ZNF326: variants seen among roughly 807,000 people sequenced by gnomAD.
ZNF326 encodes the protein zinc finger protein 326.
ZNF326 carries 30 observed loss-of-function variants against 63.1 expected under a neutral mutation model. The ratio of observed to expected loss-of-function variants is 0.48; its 90% CI spans 0.36 to 0.64. The LOEUF is 0.64. ZNF326 is among the 30% of genes least tolerant of loss of function. The pLI, the probability that ZNF326 is intolerant of heterozygous loss-of-function variation, is 0.00. For synonymous variants in ZNF326, 194 were observed against 228.2 expected, an observed-to-expected ratio of 0.85 and a Z score of 1.35; for missense variants, 609 against 720.3, an observed-to-expected ratio of 0.85 and a Z score of 1.77.
chr1:90,006,553 A>G, intron 4 of ZNF326: 1 of 812,184 alleles, frequency 1.2e-6, no homozygotes, highest in Non-Finnish European at 1.5e-6. Flanking sequence ...TTTTTAGGGT[A>G]GTTTTATGTG....
rs768749263 is a variant in ZNF326 at position 90,007,506 on chromosome 1, G to T, written c.371G>T (p.Gly124Val). ...SYRNSLDSFG[G>V]RNQGGSSWEA... ...CGGAATAGCCTTGACTCTTTCGGAG[G>T]TAGAAACCAGGGCGGGTCTAGCTGG... Residue 124 changes from glycine to valine, a missense_variant, in exon 5 of 12, where the codon GGT becomes GTT. Around this residue, in one of 3 missense-constraint regions of ZNF326, gnomAD observed 113 missense variants for 187.4 expected, o/e 0.60. Transcript: ENST00000340281. The surrounding 1 kb of genome is among the most constrained non-coding windows in gnomAD (Gnocchi z 4.9). The T allele has an allele frequency of 1.9e-6, 3 of 1,614,130 alleles. No homozygotes were observed. The highest frequency in any genetic ancestry group is 1.7e-6 in the Non-Finnish European group (2 of 1,180,014).
Position 90,007,078 on chromosome 1 carries a change from A to T in ZNF326, c.210-267A>T, listed in dbSNP as rs1210803387. On this transcript the variant is annotated intron_variant, in intron 4 of 11. Coordinates refer to ENST00000340281, the MANE Select transcript of ZNF326 (RefSeq NM_182976.4). This position sits in a 1 kb window ranked among gnomAD's most constrained non-coding sequence, Gnocchi z 4.9. Reference sequence around the variant, plus strand: ...GACAGACAAATCTTTTCTTCTTCATAAAATAGAAAAGCTGCTAAGAAGCAG... The same window carrying T: ...GACAGACAAATCTTTTCTTCTTCATTAAATAGAAAAGCTGCTAAGAAGCAG... 6.6e-6 allele frequency among the ~76,000 whole-genome samples: 1 copy of T among 152,218 alleles called. No homozygotes were observed. The highest frequency in any genetic ancestry group is 1.5e-5 in the Non-Finnish European group (1 of 68,042).
chr1:90,001,008 G>A (rs1648648652), intron 2 of ZNF326, among the ~76,000 whole-genome samples: 1 of 152,122 alleles, frequency 6.6e-6, no homozygotes, highest in African/African-American at 2.4e-5. Flanking sequence ...AAGTTAAGAG[G>A]TGATGGGGCA....
At position 90,007,336 on chromosome 1, in the gene ZNF326, C is replaced by T; in HGVS notation, c.210-9C>T. 1 of 1,568,314 alleles carries T rather than the reference C, an allele frequency of 6.4e-7. No homozygotes were observed. The highest frequency in any genetic ancestry group is 8.6e-7 in the Non-Finnish European group (1 of 1,157,160). On this transcript the variant is annotated splice_polypyrimidine_tract_variant and intron_variant, in intron 4 of 11. Coordinates refer to ENST00000340281, the MANE Select transcript of ZNF326 (RefSeq NM_182976.4). This position sits in a 1 kb window ranked among gnomAD's most constrained non-coding sequence, Gnocchi z 4.9. ...TTTTGTTTTTTCCCTCACTGTGCAACTTTTCCAGGTTTGGACCTTATGAGT... is the reference window on the plus strand; with the variant it reads ...TTTTGTTTTTTCCCTCACTGTGCAATTTTTCCAGGTTTGGACCTTATGAGT...
In ZNF326 at chr1:90,018,675, T is replaced by C. The variant is rs202070353; in HGVS notation, c.1075-10T>C. On this transcript the variant is annotated splice_polypyrimidine_tract_variant and intron_variant, in intron 8 of 11. Coordinates refer to ENST00000340281, the MANE Select transcript of ZNF326 (RefSeq NM_182976.4). ...AAAGCTATTTAGATTCTTTCTATTT[T>C]GTTTTCTAGGAGTGTATGGTGAATA... The C allele has an allele frequency of 1.8e-3, 2,665 of 1,510,130 alleles. 8 individuals carry two copies. The highest frequency in any genetic ancestry group is 2.2e-3 in the Non-Finnish European group (2,392 of 1,108,376). 93.5% of individuals were successfully genotyped at this position (1,510,130 alleles called of 1,614,324 possible). A position where few individuals can be genotyped will look rare whatever the true frequency, so the allele number is the denominator to read the frequency against.
chr1:90,008,293 A>G (rs1018354650), intron 5 of ZNF326, among the ~76,000 whole-genome samples: 3 of 152,222 alleles, frequency 2.0e-5, no homozygotes, highest in Admixed American at 6.5e-5. Context: ...AATAGATTGT[A>G]CAATGATTTG....
At chr1:90,022,379 A>T in intron 11 of ZNF326, 34 bp downstream of exon 11, 1 of 1,444,166 alleles carries the variant, frequency 6.9e-7, no homozygotes, top group African/African-American at 1.4e-5. Flanking sequence ...TTTCAATAAT[A>T]TTGTAGTATT....
At position 90,005,289 on chromosome 1, in the gene ZNF326, A is replaced by T. The variant is rs1648932972; in HGVS notation, c.209+45A>T. ...GGCCAAATAATTAGACAACTATAAG[A>T]TTTTGGATATATTATTTTAAGTACT... On this transcript the variant is annotated intron_variant, in intron 4 of 11. Transcript: ENST00000340281. The T allele has an allele frequency of 9.5e-6, 15 of 1,586,066 alleles. No homozygotes were observed. The East Asian group carries it at 3.1e-4, about 33-fold the overall frequency.
chr1:90,016,856 G>C (rs1434241984), intron 7 of ZNF326, among the ~76,000 whole-genome samples: 1 of 152,320 alleles, frequency 6.6e-6, no homozygotes, highest in East Asian at 1.9e-4. Context: ...GTAGTCTTTA[G>C]AAGGCAAGAC....
intron 11 of ZNF326, among the ~76,000 whole-genome samples, chr1:90,023,210 T>C (rs1649857368): frequency 6.6e-6 from 1 of 152,250 alleles, no homozygotes; most frequent in Admixed American, 6.5e-5. Flanking sequence ...ATACCCAGAC[T>C]GGTCTGATAG....
Position 90,007,976 on chromosome 1 carries a change from T to C in ZNF326, c.615+226T>C, listed in dbSNP as rs1649067477. The stretch of plus-strand genomic sequence containing the variant: ...TAAAGTTGTGCCAAATCTCCCTTTA[T>C]TAAAAAGGTGAGGCTACTGGTTTGG... On this transcript the variant is annotated intron_variant, in intron 5 of 11. Transcript: ENST00000340281. The surrounding 1 kb of genome is among the most constrained non-coding windows in gnomAD (Gnocchi z 4.9). 6.6e-6 allele frequency among the ~76,000 whole-genome samples: 1 copy of C among 152,206 alleles called. No individual in the cohort carries two copies. Among genetic ancestry groups the C allele is most frequent in the African/African-American group, 2.4e-5 (1 of 41,458 alleles).
intron 2 of ZNF326, among the ~76,000 whole-genome samples, chr1:90,000,513 A>G (rs1239902910): frequency 6.6e-6 from 1 of 152,192 alleles, no homozygotes; most frequent in Non-Finnish European, 1.5e-5. Flanking sequence ...AGCTTGGGCA[A>G]CATAGTGAGA....
chr1:89,998,229 A>T, intron 2 of ZNF326, 75 bp downstream of exon 2: 1 of 1,416,228 alleles, frequency 7.1e-7, no homozygotes, highest in South Asian at 1.2e-5. Flanking sequence ...AGTTCTACCT[A>T]TTTCAGTCCT....
chr1:90,001,961 G>A (rs1241647919), intron 2 of ZNF326, among the ~76,000 whole-genome samples: 1 of 152,128 alleles, frequency 6.6e-6, no homozygotes, highest in Non-Finnish European at 1.5e-5. Flanking sequence ...ATGATAGAGT[G>A]ATCCAAGTGA....
intron 2 of ZNF326, among the ~76,000 whole-genome samples, chr1:89,998,977 T>C (rs1054792132): frequency 6.6e-5 from 10 of 152,228 alleles, no homozygotes; most frequent in African/African-American, 2.2e-4. Context: ...TCATTATCTT[T>C]AAAGATTAAG....
At chr1:90,019,834 T>C (rs960997258) in intron 9 of ZNF326, among the ~76,000 whole-genome samples, 10 of 152,114 alleles carry the variant, frequency 6.6e-5, no homozygotes, top group African/African-American at 2.4e-4. Flanking sequence ...TCCTTGAGCA[T>C]ATCCTACCTT....
chr1:90,018,401 C>T (rs763377163), intron 8 of ZNF326, among the ~76,000 whole-genome samples: 17 of 152,012 alleles, frequency 1.1e-4, no homozygotes, highest in Non-Finnish European at 1.9e-4. Context: ...TCTGTGTGTC[C>T]TTTATAACTT....
At chr1:89,996,094 C>T (rs1261492431) in intron 1 of ZNF326, among the ~76,000 whole-genome samples, 2 of 152,176 alleles carry the variant, frequency 1.3e-5, no homozygotes, top group East Asian at 1.9e-4. Context: ...GATACTAATT[C>T]TTTAAACCAC....
intron 10 of ZNF326, 142 bp downstream of exon 10, chr1:90,021,064 G>T: frequency 1.1e-6 from 1 of 888,668 alleles, no homozygotes; most frequent in Non-Finnish European, 1.7e-6. Flanking sequence ...ACTCAGAGAG[G>T]CAGTATATAG....
Sources: gnomAD v4.1 joint callset for allele counts (sites outside exome capture counted in the v4.1 genomes callset) on GRCh38, gnomAD v4.1.1 for gene constraint, gnomAD v4.1.1 regional missense constraint, Gnocchi (gnomAD v3.1) non-coding constraint, MANE v1.5 for transcripts, NCBI Gene and HGNC (gene_info 2026-07-23, HGNC 2026-07-21) for gene names.